The following ADAMTSL1 variants were observed in gnomAD, a reference collection of about 807,000 sequenced individuals.
The protein encoded by ADAMTSL1 is ADAMTS-like protein 1.
Under a neutral mutation model 201.8 loss-of-function variants are expected in ADAMTSL1, and 126 were observed. The ratio of observed to expected loss-of-function variants is 0.62; its 90% CI spans 0.54 to 0.72. ADAMTSL1 has a LOEUF of 0.72. ADAMTSL1 is among the 30% of genes least tolerant of loss of function. ADAMTSL1 has a pLI of 0.00. For missense variants in ADAMTSL1, 2,679 were observed against 2,277.8 expected, an observed-to-expected ratio of 1.18 and a Z score of -3.59; for synonymous variants, 1,121 against 903.4, an observed-to-expected ratio of 1.24 and a Z score of -4.32.
chr9:17,986,669 G>A (rs1818941742), intron 1 of ADAMTSL1, among the ~76,000 whole-genome samples: 3 of 152,088 alleles, frequency 2.0e-5, no homozygotes, highest in African/African-American at 4.8e-5. Context: ...TGAGTTCTCA[G>A]GTGAGCCCTC....
chr9:18,425,859 G>A (rs565944356), intron 2 of ADAMTSL1, among the ~76,000 whole-genome samples: 1,256 of 94,142 alleles, frequency 0.013, no homozygotes, highest in Middle Eastern at 0.016. Flanking sequence ...CCTGTCTCAA[G>A]AAAAAAAAAA....
chr9:18,058,653 T>C (rs1822304204), intron 1 of ADAMTSL1, among the ~76,000 whole-genome samples: 1 of 151,896 alleles, frequency 6.6e-6, no homozygotes. Context: ...TTTTGACCCA[T>C]GAAATAGGTC....
At chr9:18,857,007 C>T (rs10963806) in intron 23 of ADAMTSL1, among the ~76,000 whole-genome samples, 26,973 of 152,006 alleles carry the variant, frequency 0.18, 5,375 homozygotes, top group African/African-American at 0.49. Context: ...ATCACTTTCC[C>T]GGTCCTCCAA....
rs1830261938 is a variant in ADAMTSL1 at position 18,905,676 on chromosome 9, CCAA to C, written c.4852-102_4852-100del. ...GGAAAGATGAATGGTCTGAGAGCCT[CCAA>C]CAAGACCTACACAAGGATCGTGCAT... On this transcript the variant is annotated intron_variant, in intron 26 of 28. Transcript: ENST00000380548. 3.7e-6 allele frequency: 3 copies of C among 803,384 alleles called. No homozygotes were observed. In the African/African-American group the frequency reaches 5.1e-5, roughly 14 times the overall value. The allele number at this position is 803,384 out of a possible 1,614,324, so 49.8% of individuals were successfully genotyped here. A position where few individuals can be genotyped will look rare whatever the true frequency, so the allele number is the denominator to read the frequency against.
chr9:18,652,896 T>C (rs1828385525), intron 7 of ADAMTSL1, among the ~76,000 whole-genome samples: 1 of 152,194 alleles, frequency 6.6e-6, no homozygotes, highest in Non-Finnish European at 1.5e-5. Context: ...AGTCTCCCCA[T>C]TTCAGTCAAC....
At chr9:18,889,816 G>A in intron 25 of ADAMTSL1, 68 bp downstream of exon 25, 1 of 1,383,836 alleles carries the variant, frequency 7.2e-7, no homozygotes, top group Non-Finnish European at 9.4e-7. Flanking sequence ...AGCGAAGTCA[G>A]TGGCCAGCCC....
At chr9:18,089,878 A>T (rs1823932178) in intron 1 of ADAMTSL1, among the ~76,000 whole-genome samples, 1 of 152,184 alleles carries the variant, frequency 6.6e-6, no homozygotes, top group South Asian at 2.1e-4. Context: ...TGCACTTAAA[A>T]ATCTGTTATA....
At chr9:18,870,254 T>C (rs1351678247) in intron 23 of ADAMTSL1, among the ~76,000 whole-genome samples, 2 of 152,206 alleles carry the variant, frequency 1.3e-5, no homozygotes, top group Non-Finnish European at 2.9e-5. Context: ...GAAATATTGG[T>C]CTCATTTCCT....
At chr9:18,386,145 T>C (rs149031454) in intron 2 of ADAMTSL1, among the ~76,000 whole-genome samples, 1,814 of 152,302 alleles carry the variant, frequency 0.012, 17 homozygotes, top group Middle Eastern at 0.031. Context: ...TAGTGTTCTT[T>C]TAGGACTCAC....
chr9:18,876,329 T>TGC (rs1491583884), intron 23 of ADAMTSL1, among the ~76,000 whole-genome samples: 1 of 151,246 alleles, frequency 6.6e-6, no homozygotes, highest in South Asian at 2.1e-4. Context: ...TGTGTGTGTG[T>TGC]GCGTGATTGT....
intron 1 of ADAMTSL1, among the ~76,000 whole-genome samples, chr9:18,051,677 T>C (rs1314183186): frequency 2.0e-5 from 3 of 152,174 alleles, no homozygotes; most frequent in Non-Finnish European, 4.4e-5. Flanking sequence ...GTCTTACTCA[T>C]GGCACAAATG....
intron 2 of ADAMTSL1, among the ~76,000 whole-genome samples, chr9:18,465,697 G>C (rs1820976444): frequency 6.6e-6 from 1 of 152,174 alleles, no homozygotes; most frequent in Admixed American, 6.5e-5. Context: ...AGCAGAAAAA[G>C]AATAGATATG....
At chr9:18,497,665 C>T (rs936103819) in intron 1 of ADAMTSL1, among the ~76,000 whole-genome samples, 8 of 152,272 alleles carry the variant, frequency 5.3e-5, no homozygotes, top group African/African-American at 1.9e-4. Context: ...TCTATGCCTT[C>T]CCTTGAGATA....
intron 2 of ADAMTSL1, among the ~76,000 whole-genome samples, chr9:18,363,620 A>AT (rs1197649043): frequency 6.6e-6 from 1 of 152,236 alleles, no homozygotes; most frequent in African/African-American, 2.4e-5. Flanking sequence ...AATTGTAGGT[A>AT]TTACAGATGA....
chr9:18,612,258 AT>A (rs1825425770), intron 4 of ADAMTSL1, among the ~76,000 whole-genome samples: 2 of 152,180 alleles, frequency 1.3e-5, no homozygotes. Flanking sequence ...TTATAAAATG[AT>A]TTGTCCTTAG....
At chr9:18,005,547 T>A (rs1364944763) in intron 1 of ADAMTSL1, among the ~76,000 whole-genome samples, 2 of 152,056 alleles carry the variant, frequency 1.3e-5, no homozygotes, top group African/African-American at 4.8e-5. Flanking sequence ...TGTTCTCCCC[T>A]CCATACTACT....
chr9:18,755,743 T>C (rs949515290), intron 16 of ADAMTSL1, among the ~76,000 whole-genome samples: 7 of 152,140 alleles, frequency 4.6e-5, no homozygotes, highest in African/African-American at 7.2e-5. Flanking sequence ...TGCGAAGATA[T>C]GAATTTACTT....
chr9:18,090,859 C>A (rs112474044), intron 1 of ADAMTSL1, among the ~76,000 whole-genome samples: 14 of 152,002 alleles, frequency 9.2e-5, no homozygotes, highest in African/African-American at 3.1e-4. Flanking sequence ...CTCCCCCTGG[C>A]GTTTTCCTTG....
chr9:18,865,980 A>G (rs1827507225), intron 23 of ADAMTSL1, among the ~76,000 whole-genome samples: 1 of 151,914 alleles, frequency 6.6e-6, no homozygotes, highest in Non-Finnish European at 1.5e-5. Flanking sequence ...AATACTGTGA[A>G]CTTCTTCGTT....
Sources: gnomAD v4.1 joint callset for allele counts (sites outside exome capture counted in the v4.1 genomes callset) on GRCh38, gnomAD v4.1.1 for gene constraint, MANE v1.5 for transcripts, NCBI Gene and HGNC (gene_info 2026-07-23, HGNC 2026-07-21) for gene names.